Variants in ARHGAP36 observed in about 807,000 individuals in gnomAD.
The protein encoded by ARHGAP36 is rho GTPase-activating protein 36.
ARHGAP36 carries 7 observed loss-of-function variants against 32.9 expected under a neutral mutation model. The ratio of observed to expected loss-of-function variants is 0.21; its 90% CI spans 0.12 to 0.40. The LOEUF is 0.40. ARHGAP36 is among the 10% of genes least tolerant of loss of function. The probability of loss-of-function intolerance (pLI) is 1.00; values close to 1 mark genes in which losing one functional copy is unlikely to be tolerated. For synonymous variants in ARHGAP36, 165 were observed against 168.3 expected, an observed-to-expected ratio of 0.98 and a Z score of 0.15; for missense variants, 383 against 442.2, an observed-to-expected ratio of 0.87 and a Z score of 1.20.
At chrX:131,070,170 C>T (rs756713872) in intron 1 of ARHGAP36, among the ~76,000 whole-genome samples, 3 of 112,502 alleles carry the variant, frequency 2.7e-5, no homozygotes, top group East Asian at 2.8e-4. Context: ...CCTCAAAGCC[C>T]TCCACCTCTA....
At chrX:131,086,497 C>T in intron 10 of ARHGAP36, 62 bp from the exon 11 acceptor site, 8 of 1,200,308 alleles carry the variant, frequency 6.7e-6, no homozygotes, top group Non-Finnish European at 7.9e-6. Context: ...CAACTCCAGA[C>T]TATCTTTATA....
chrX:131,068,937 G>A (rs1197608238), intron 1 of ARHGAP36, among the ~76,000 whole-genome samples: 3 of 111,600 alleles, frequency 2.7e-5, no homozygotes, highest in African/African-American at 6.5e-5. Flanking sequence ...CCCCCCTCCC[G>A]CTTATGTCAC....
chrX:131,059,136 G>A (rs750450085), intron 1 of ARHGAP36, among the ~76,000 whole-genome samples: 2 of 112,252 alleles, frequency 1.8e-5, no homozygotes, highest in East Asian at 2.8e-4. Context: ...CTGTGGAATT[G>A]AGGACACAAG....
intron 1 of ARHGAP36, among the ~76,000 whole-genome samples, chrX:131,061,866 G>A (rs1046776276): frequency 1.8e-5 from 2 of 112,428 alleles, no homozygotes; most frequent in Non-Finnish European, 3.8e-5. Flanking sequence ...GAATCTGTGT[G>A]ATGAAAACTG....
intron 2 of ARHGAP36, 58 bp from the exon 3 acceptor site, chrX:131,083,107 T>C (rs898658218): frequency 4.5e-6 from 5 of 1,112,088 alleles, no homozygotes; most frequent in Non-Finnish European, 6.1e-6. Context: ...TTGGGATGTT[T>C]TAGTCACTTA....
intron 1 of ARHGAP36, among the ~76,000 whole-genome samples, chrX:131,068,145 C>T (rs1346437217): frequency 8.9e-6 from 1 of 111,983 alleles, no homozygotes; most frequent in Non-Finnish European, 1.9e-5. Flanking sequence ...ATACACACCA[C>T]ACCAAGCACT....
At chrX:131,065,067 GTC>G (rs1412036829) in intron 1 of ARHGAP36, among the ~76,000 whole-genome samples, 1 of 97,891 alleles carries the variant, frequency 1.0e-5, no homozygotes, top group Non-Finnish European at 2.1e-5. Context: ...GTGTGTGTGT[GTC>G]TGCGTGTCTG....
At chrX:131,075,229 T>G (rs2079755104) in intron 1 of ARHGAP36, among the ~76,000 whole-genome samples, 1 of 112,190 alleles carries the variant, frequency 8.9e-6, no homozygotes, top group South Asian at 3.7e-4. Context: ...TTTTATTTTA[T>G]CTTCACAGCC....
intron 1 of ARHGAP36, among the ~76,000 whole-genome samples, chrX:131,059,618 G>A (rs948217600): frequency 1.8e-5 from 2 of 112,070 alleles, no homozygotes; most frequent in African/African-American, 6.5e-5. Context: ...AAAGACTACA[G>A]CTTGCTTAGG....
chrX:131,059,026 C>T (rs974825947), intron 1 of ARHGAP36, among the ~76,000 whole-genome samples: 2 of 112,043 alleles, frequency 1.8e-5, no homozygotes, highest in Non-Finnish European at 3.8e-5. Flanking sequence ...TAGGCTCTGC[C>T]AGCTGCCCAC....
At chrX:131,085,295 T>C (rs2079828210) in intron 7 of ARHGAP36, among the ~76,000 whole-genome samples, 1 of 110,414 alleles carries the variant, frequency 9.1e-6, no homozygotes. Context: ...AAATGTTCCA[T>C]TATAAGTCTG....
chrX:131,062,873 G>C (rs2079676555), intron 1 of ARHGAP36, among the ~76,000 whole-genome samples: 1 of 111,723 alleles, frequency 9.0e-6, no homozygotes, highest in Non-Finnish European at 1.9e-5. Context: ...CAGTGGCTGA[G>C]CAGGGATTAC....
chrX:131,087,301 A>T (rs749864456), intron 11 of ARHGAP36, among the ~76,000 whole-genome samples: 115 of 111,771 alleles, frequency 1.0e-3, no homozygotes, highest in African/African-American at 3.5e-3. Context: ...TGAAGTTCCA[A>T]ATGATGAAGC....
chrX:131,080,517 A>G (rs2079790430), intron 1 of ARHGAP36, among the ~76,000 whole-genome samples: 1 of 112,665 alleles, frequency 8.9e-6, no homozygotes, highest in African/African-American at 3.2e-5. Context: ...GAGTGAACAA[A>G]TGAGTAATAG....
At chrX:131,061,251 A>T (rs909959815) in intron 1 of ARHGAP36, among the ~76,000 whole-genome samples, 3 of 109,048 alleles carry the variant, frequency 2.8e-5, no homozygotes, top group Non-Finnish European at 1.9e-5. Context: ...AAGTTCTGGG[A>T]TACATGTGCA....
At chrX:131,060,469 A>G (rs2079662921) in intron 1 of ARHGAP36, among the ~76,000 whole-genome samples, 1 of 111,683 alleles carries the variant, frequency 9.0e-6, no homozygotes, top group Non-Finnish European at 1.9e-5. Flanking sequence ...AACACAATAT[A>G]CTCACATCAC....
In ARHGAP36 at chrX:131,081,798, C is replaced by A. The variant is rs878929394; in HGVS notation, c.133C>A (p.Arg45Ser). The A allele has an allele frequency of 1.7e-6, 2 of 1,212,049 alleles. No homozygotes were observed. Among genetic ancestry groups the A allele is most frequent in the Admixed American group, 4.3e-5 (2 of 46,103 alleles). Residue 45 changes from arginine to serine, a missense_variant, in exon 2 of 12, where the codon CGC (arginine) becomes AGC (serine). Arg to Ser is a moderately radical substitution (Grantham distance 110). This residue lies in a region of ARHGAP36 where 156 missense variants were observed against 131.0 expected (regional missense o/e 1.19). Coordinates refer to ENST00000276211, the MANE Select transcript of ARHGAP36 (RefSeq NM_144967.4). ...LGGAPGHNPDRRTKMVSIHSL... is the reference protein window; with the variant it reads ...LGGAPGHNPDSRTKMVSIHSL... The stretch of plus-strand genomic sequence containing the variant: ...AGGAGCCCCAGGACACAACCCCGAC[C>A]GCAGGACGAAGATGGTATCGATACA...
chrX:131,069,261 C>A (rs1439119010), intron 1 of ARHGAP36, among the ~76,000 whole-genome samples: 1 of 112,144 alleles, frequency 8.9e-6, no homozygotes, highest in East Asian at 2.8e-4. Context: ...TGCTTCTTTT[C>A]TGTGGAGATG....
Position 131,066,967 on chromosome X carries a change from A to G in ARHGAP36, c.-143+8523A>G, listed in dbSNP as rs1318623310. ...ATTACAACTATCCTTGCTACATACC[A>G]GGTATTCTCTACAGCCGTTCAGAGT... On this transcript the variant is annotated intron_variant, in intron 1 of 11. Transcript: ENST00000276211. Among the ~76,000 whole-genome samples the G allele has an allele frequency of 7.1e-5, 8 of 112,024 alleles. No homozygotes were observed. In the East Asian group the frequency reaches 2.2e-3, roughly 31 times the overall value.
Sources: gnomAD v4.1 joint callset for allele counts (sites outside exome capture counted in the v4.1 genomes callset) on GRCh38, gnomAD v4.1.1 for gene constraint, gnomAD v4.1.1 regional missense constraint, MANE v1.5 for transcripts, NCBI Gene and HGNC (gene_info 2026-07-23, HGNC 2026-07-21) for gene names.